FSTL4: variants seen among roughly 807,000 people sequenced by gnomAD.
FSTL4 encodes the protein follistatin-related protein 4.
A neutral mutation model predicts 78.2 loss-of-function variants in FSTL4; 28 were observed. That is an observed-to-expected ratio of 0.36 (90% CI 0.27 to 0.49). The LOEUF (loss-of-function observed/expected upper bound fraction) is 0.49. Ranked by LOEUF, FSTL4 falls within the 20% of genes least tolerant of loss-of-function variation. The pLI is 0.98. For missense variants in FSTL4, 922 were observed against 1,084.9 expected (o/e 0.85, Z 2.11); for synonymous variants, 422 against 440.5 (o/e 0.96, Z 0.53).
At chr5:133,609,913 T>C (rs1182816534) in intron 1 of FSTL4, among the ~76,000 whole-genome samples, 1 of 152,250 alleles carries the variant, frequency 6.6e-6, no homozygotes, top group African/African-American at 2.4e-5. Flanking sequence ...AGATGTGCTC[T>C]TGAAATATCT....
intron 4 of FSTL4, among the ~76,000 whole-genome samples, chr5:133,342,590 T>TCTTTC (rs1754605158): frequency 6.6e-6 from 1 of 151,974 alleles, no homozygotes; most frequent in African/African-American, 2.4e-5. Context: ...GTCCCATGAG[T>TCTTTC]CTTTCTGGAG....
intron 1 of FSTL4, among the ~76,000 whole-genome samples, chr5:133,609,415 A>AG (rs1294608360): frequency 2.0e-5 from 3 of 152,176 alleles, no homozygotes; most frequent in Non-Finnish European, 4.4e-5. Flanking sequence ...TCAAATTTAA[A>AG]GGGGGAAAAA....
intron 3 of FSTL4, among the ~76,000 whole-genome samples, chr5:133,496,650 G>A (rs578140234): frequency 2.6e-5 from 4 of 152,318 alleles, no homozygotes; most frequent in African/African-American, 7.2e-5. Context: ...TGTCATGGGA[G>A]GCTCCATAGG....
rs147385596 is a variant in FSTL4, at chr5:133,600,590, T to G, written c.126+3268A>C. Among the ~76,000 whole-genome samples, 83 of 152,340 alleles carry G rather than the reference T, an allele frequency of 5.4e-4. 1 individual carries two copies. In the East Asian group the frequency reaches 7.5e-3, roughly 14 times the overall value. Reference sequence around the variant, plus strand: ...TTTCTTTTTATCTATGTCTGTAAAATGGTAAACTCCTTGAAACTATTTCCA... The same window carrying G: ...TTTCTTTTTATCTATGTCTGTAAAAGGGTAAACTCCTTGAAACTATTTCCA... On this transcript the variant is annotated intron_variant, in intron 2 of 15. Coordinates refer to ENST00000265342, the MANE Select transcript of FSTL4 (RefSeq NM_015082.2).
At chr5:133,432,338 A>G (rs1756957466) in intron 3 of FSTL4, among the ~76,000 whole-genome samples, 1 of 152,232 alleles carries the variant, frequency 6.6e-6, no homozygotes, top group South Asian at 2.1e-4. Context: ...CTTCATAATG[A>G]CATTTCTGCC....
At chr5:133,803,580 C>T in the FSTL4 span, among the ~76,000 whole-genome samples, 11 of 152,334 alleles carry the variant, frequency 7.2e-5, no homozygotes, top group African/African-American at 2.6e-4. Context: ...CCTCTGCAAA[C>T]CCACTATTCA....
chr5:133,527,126 G>A (rs537500237), intron 3 of FSTL4, among the ~76,000 whole-genome samples: 14 of 152,148 alleles, frequency 9.2e-5, no homozygotes, highest in Non-Finnish European at 1.6e-4. Context: ...ATGTCCTCTC[G>A]TCTCTTGTTT....
At chr5:133,368,029 G>C (rs1755214086) in intron 4 of FSTL4, among the ~76,000 whole-genome samples, 1 of 152,282 alleles carries the variant, frequency 6.6e-6, no homozygotes, top group Non-Finnish European at 1.5e-5. Flanking sequence ...GCATAAGAAA[G>C]ATACCCTTGT....
intron 4 of FSTL4, among the ~76,000 whole-genome samples, chr5:133,323,321 A>G (rs1451831025): frequency 1.3e-5 from 2 of 152,296 alleles, no homozygotes; most frequent in African/African-American, 4.8e-5. Flanking sequence ...GGGTCATAGC[A>G]TACAAGGAAA....
At chr5:133,392,729 C>A (rs941618083) in intron 4 of FSTL4, among the ~76,000 whole-genome samples, 1 of 151,900 alleles carries the variant, frequency 6.6e-6, no homozygotes, top group Admixed American at 6.6e-5. Context: ...CAGCAACCAA[C>A]GGGACTGAGG....
intron 2 of FSTL4, among the ~76,000 whole-genome samples, chr5:133,597,842 A>G (rs2112973533): frequency 6.6e-6 from 1 of 152,290 alleles, no homozygotes; most frequent in Non-Finnish European, 1.5e-5. Flanking sequence ...GGACACCAGA[A>G]GGGGAGCCAC....
At chr5:133,437,754 GTGCTGGGAT>G (rs1757066703) in intron 3 of FSTL4, among the ~76,000 whole-genome samples, 2 of 151,846 alleles carry the variant, frequency 1.3e-5, no homozygotes, top group Non-Finnish European at 2.9e-5. Flanking sequence ...GCCTCCCAAA[GTGCTGGGAT>G]TACAGGCATG....
chr5:133,492,977 C>T (rs553918971), intron 3 of FSTL4, among the ~76,000 whole-genome samples: 72 of 151,966 alleles, frequency 4.7e-4, no homozygotes, highest in African/African-American at 1.7e-3. Context: ...TTCAGCTGTA[C>T]CTAATATGTT....
At chr5:133,520,849 A>AG (rs1758965214) in intron 3 of FSTL4, among the ~76,000 whole-genome samples, 1 of 151,600 alleles carries the variant, frequency 6.6e-6, no homozygotes, top group Non-Finnish European at 1.5e-5. Flanking sequence ...GATGGGATGG[A>AG]GGGGTGGGTC....
chr5:133,561,767 T>G (rs1328889893), intron 3 of FSTL4, among the ~76,000 whole-genome samples: 1 of 152,078 alleles, frequency 6.6e-6, no homozygotes, highest in African/African-American at 2.4e-5. Flanking sequence ...TCAGGTAAGG[T>G]TGAGTAACTT....
chr5:133,404,535 G>C (rs1247406352), intron 3 of FSTL4, among the ~76,000 whole-genome samples: 2 of 152,208 alleles, frequency 1.3e-5, no homozygotes, highest in Admixed American at 6.5e-5. Context: ...AATGGGAACA[G>C]TTACATTAAC....
chr5:133,753,305 G>A, the FSTL4 span, among the ~76,000 whole-genome samples: 2 of 152,152 alleles, frequency 1.3e-5, no homozygotes, highest in African/African-American at 2.4e-5. Flanking sequence ...ATTGGACCCT[G>A]CTGAGAGTCA....
chr5:133,277,739 C>T (rs1752918606), intron 6 of FSTL4, among the ~76,000 whole-genome samples: 1 of 152,132 alleles, frequency 6.6e-6, no homozygotes, highest in Admixed American at 6.5e-5. Context: ...GTGGGGCTGA[C>T]TCTGGGGGAT....
chr5:133,221,638 C>T (rs1297020209), intron 11 of FSTL4, among the ~76,000 whole-genome samples: 3 of 152,150 alleles, frequency 2.0e-5, no homozygotes, highest in Admixed American at 2.0e-4. Context: ...GTCTCTGTGC[C>T]AGAGCTGGAG....
Sources: allele counts gnomAD v4.1 joint callset (sites outside exome capture counted in the v4.1 genomes callset), GRCh38; gene constraint gnomAD v4.1.1; transcripts MANE v1.5; gene names NCBI Gene and HGNC (gene_info 2026-07-23, HGNC 2026-07-21).